Variants in RPH3A observed in about 807,000 individuals in gnomAD.
The protein encoded by RPH3A is rabphilin-3A.
Under a neutral mutation model 102.2 loss-of-function variants are expected in RPH3A, and 48 were observed. The observed-to-expected ratio is 0.47, with a 90% CI of 0.37 to 0.60. The LOEUF (loss-of-function observed/expected upper bound fraction) is 0.60. Ranked by LOEUF, RPH3A falls within the 20% of genes least tolerant of loss-of-function variation. The probability of loss-of-function intolerance (pLI) is 0.00; values close to 1 mark genes in which losing one functional copy is unlikely to be tolerated. For missense variants in RPH3A, 781 were observed against 910.1 expected (o/e 0.86, Z 1.83); for synonymous variants, 310 against 324.3 (o/e 0.96, Z 0.47).
At chr12:112,738,595 T>C (rs1302995883) in intron 1 of RPH3A, among the ~76,000 whole-genome samples, 1 of 152,084 alleles carries the variant, frequency 6.6e-6, no homozygotes, top group Non-Finnish European at 1.5e-5. Flanking sequence ...TGCATGGGTG[T>C]AGAAGGGGGC....
At chr12:112,879,083 A>G (rs910613259) in intron 13 of RPH3A, 36 bp from the exon 14 acceptor site, 25 of 1,542,208 alleles carry the variant, frequency 1.6e-5, no homozygotes, top group South Asian at 5.6e-5. Context: ...GTGACTGAAT[A>G]TTCGTTATCT....
intron 1 of RPH3A, among the ~76,000 whole-genome samples, chr12:112,593,064 G>A (rs1226208662): frequency 6.6e-6 from 1 of 152,200 alleles, no homozygotes; most frequent in Non-Finnish European, 1.5e-5. Flanking sequence ...AGGGGATGGG[G>A]CTTTGGGAGA....
At chr12:112,819,625 A>T (rs1439889738) in intron 2 of RPH3A, among the ~76,000 whole-genome samples, 1 of 152,144 alleles carries the variant, frequency 6.6e-6, no homozygotes, top group Non-Finnish European at 1.5e-5. Flanking sequence ...TTACCTTATG[A>T]TTCTCTGGGT....
chr12:112,847,723 C>G lies in RPH3A; in HGVS notation c.111C>G (p.Pro37=). The change falls in exon 5 of 22, where the codon CCC becomes CCG. Residue 37 remains proline (P), a synonymous_variant. Transcript: ENST00000389385. ...EQLQAGWSVH[P]GGQPDRQRKQ... ...TCCAGGCAGGCTGGTCCGTCCACCC[C>G]GGTGGTCAGCCTGACAGGCAGAGGA... is the stretch of plus-strand genomic sequence containing the variant. The G allele has an allele frequency of 6.2e-7, 1 of 1,614,096 alleles. No homozygotes were observed. The highest frequency in any genetic ancestry group is 8.5e-7 in the Non-Finnish European group (1 of 1,179,992).
intron 1 of RPH3A, among the ~76,000 whole-genome samples, chr12:112,730,853 T>C (rs1309132567): frequency 6.6e-6 from 1 of 152,054 alleles, no homozygotes; most frequent in Non-Finnish European, 1.5e-5. Context: ...GCAAAGAACA[T>C]CCCAGGAAAT....
At chr12:112,728,730 G>A (rs1295046013) in intron 1 of RPH3A, among the ~76,000 whole-genome samples, 1 of 152,182 alleles carries the variant, frequency 6.6e-6, no homozygotes, top group Non-Finnish European at 1.5e-5. Flanking sequence ...AACTGAAAGA[G>A]CATGTCAAGC....
chr12:112,827,425 A>G (rs1228812972), intron 2 of RPH3A, among the ~76,000 whole-genome samples: 1 of 152,200 alleles, frequency 6.6e-6, no homozygotes, highest in African/African-American at 2.4e-5. Flanking sequence ...ACATGGATAT[A>G]CCACATTTTG....
intron 1 of RPH3A, among the ~76,000 whole-genome samples, chr12:112,765,126 A>T (rs2040879226): frequency 6.6e-6 from 1 of 151,988 alleles, no homozygotes; most frequent in African/African-American, 2.4e-5. Context: ...CATTCATCAA[A>T]CACTCCTGCT....
chr12:112,687,569 A>C (rs2040275259), intron 1 of RPH3A, among the ~76,000 whole-genome samples: 1 of 152,198 alleles, frequency 6.6e-6, no homozygotes, highest in Non-Finnish European at 1.5e-5. Context: ...GCCAGTGAGT[A>C]CTGTCTACCA....
chr12:112,705,654 T>A (rs938329664), intron 1 of RPH3A, among the ~76,000 whole-genome samples: 3 of 152,242 alleles, frequency 2.0e-5, no homozygotes, highest in Admixed American at 6.5e-5. Context: ...TCGAAATTTT[T>A]AAATTTTAAA....
intron 1 of RPH3A, among the ~76,000 whole-genome samples, chr12:112,688,703 A>T (rs1454158116): frequency 6.6e-6 from 1 of 152,166 alleles, no homozygotes; most frequent in Non-Finnish European, 1.5e-5. Context: ...TCAGTCCTTC[A>T]TTGAGTTAGG....
At position 112,602,744 on chromosome 12, in the gene RPH3A, C is replaced by T. The variant is rs185398355; in HGVS notation, c.-140+27425C>T. ...TTTCGAGGCTGCAGTGAGTTGTGAT[C>T]ACACCACTGCACTCCAGCCTGGGCG... On this transcript the variant is annotated intron_variant, in intron 1 of 21. Transcript: ENST00000543106. Among the ~76,000 whole-genome samples, 123 of 151,984 alleles carry T rather than the reference C, an allele frequency of 8.1e-4. 1 individual carries two copies. The highest frequency in any genetic ancestry group is 2.8e-3 in the African/African-American group (117 of 41,440).
At chr12:112,745,421 T>G (rs2040737923) in intron 1 of RPH3A, among the ~76,000 whole-genome samples, 1 of 152,222 alleles carries the variant, frequency 6.6e-6, no homozygotes, top group Non-Finnish European at 1.5e-5. Flanking sequence ...ACTCATTGGT[T>G]TTAGCATCCT....
Position 112,895,859 on chromosome 12 carries a change from C to A in RPH3A, c.1940C>A (p.Ser647Tyr), listed in dbSNP as rs1274822337. 1 of 1,611,868 alleles carries A rather than the reference C, an allele frequency of 6.2e-7. No homozygotes were observed. The highest frequency in any genetic ancestry group is 1.3e-5 in the African/African-American group (1 of 74,876). Residue 647 changes from serine (S) to tyrosine (Y), a missense_variant, in exon 21 of 22, where the codon TCC (serine) becomes TAC (tyrosine). Ser to Tyr is a moderately radical substitution (Grantham distance 144). Coordinates refer to ENST00000389385, the MANE Select transcript of RPH3A (RefSeq NM_001143854.2). ...GTCTGGGACTATGACATCGGCAAGT[C>A]CAATGATTACATCGGTGAGTGTTCC... ...ISVWDYDIGK[S>Y]NDYIGGCQLG... is the part of the protein sequence containing the mutation.
intron 6 of RPH3A, among the ~76,000 whole-genome samples, chr12:112,866,217 T>G (rs2042609384): frequency 6.6e-6 from 1 of 152,210 alleles, no homozygotes. Flanking sequence ...GAAAAGTTTA[T>G]TCTGAAAAAC....
At chr12:112,641,688 G>A (rs752887845) in intron 1 of RPH3A, among the ~76,000 whole-genome samples, 10 of 152,144 alleles carry the variant, frequency 6.6e-5, no homozygotes, top group Admixed American at 1.3e-4. Flanking sequence ...ATGAGCCACC[G>A]TGCCCAGCTG....
At chr12:112,892,486 T>C (rs1170866504) in intron 19 of RPH3A, among the ~76,000 whole-genome samples, 2 of 152,202 alleles carry the variant, frequency 1.3e-5, no homozygotes, top group South Asian at 2.1e-4. Context: ...TCCAAGGTGA[T>C]GGAGAATCCT....
At chr12:112,652,976 G>A (rs148521106) in intron 1 of RPH3A, among the ~76,000 whole-genome samples, 208 of 152,198 alleles carry the variant, frequency 1.4e-3, no homozygotes, top group South Asian at 2.5e-3. Context: ...ATTGCTTCTC[G>A]GCTGCAAATC....
intron 1 of RPH3A, among the ~76,000 whole-genome samples, chr12:112,686,578 A>G (rs968949226): frequency 6.6e-6 from 1 of 152,180 alleles, no homozygotes; most frequent in Non-Finnish European, 1.5e-5. Flanking sequence ...GGCACATGGC[A>G]CAGTCTTCCC....
Sources: allele counts gnomAD v4.1 joint callset (sites outside exome capture counted in the v4.1 genomes callset), GRCh38; gene constraint gnomAD v4.1.1; transcripts MANE v1.5; gene names NCBI Gene and HGNC (gene_info 2026-07-23, HGNC 2026-07-21).